Variants in NUP133 observed in about 807,000 individuals in gnomAD.
The protein encoded by NUP133 is nucleoporin 133, also known as nuclear pore complex protein Nup133.
NUP133 carries 66 observed loss-of-function variants against 146.2 expected under a neutral mutation model. The ratio of observed to expected loss-of-function variants is 0.45; its 90% CI spans 0.37 to 0.55. NUP133 has a LOEUF of 0.55. Among genes scored for constraint, NUP133 ranks in the 20% least tolerant of loss-of-function variants. NUP133 has a pLI of 0.00. For missense variants in NUP133, 1,277 were observed against 1,374.8 expected, an observed-to-expected ratio of 0.93 and a Z score of 1.12; for synonymous variants, 521 against 498.8, an observed-to-expected ratio of 1.04 and a Z score of -0.59.
rs540236548 is a variant in NUP133 at position 229,453,668 on chromosome 1, G to A, written c.2981-1025C>T. Reference sequence around the variant, plus strand: ...TTAACACTTCAGCAAGCGGACACTTGCCCACAATAGCAATAGGAGGTGGCT... The same window carrying A: ...TTAACACTTCAGCAAGCGGACACTTACCCACAATAGCAATAGGAGGTGGCT... On this transcript the variant is annotated intron_variant, in intron 21 of 25. Coordinates refer to ENST00000261396, the MANE Select transcript of NUP133 (RefSeq NM_018230.3). 7.2e-5 allele frequency among the ~76,000 whole-genome samples: 11 copies of A among 152,286 alleles called. No homozygotes were observed. In the East Asian group the frequency reaches 1.4e-3, roughly 19 times the overall value.
intron 6 of NUP133, among the ~76,000 whole-genome samples, chr1:229,496,883 T>C (rs1240982834): frequency 1.3e-5 from 2 of 152,102 alleles, no homozygotes; most frequent in Non-Finnish European, 2.9e-5. Context: ...GAGTGTTGAA[T>C]GTGAATTGGT....
At chr1:229,479,266 C>G (rs997982328) in intron 12 of NUP133, among the ~76,000 whole-genome samples, 33 of 152,324 alleles carry the variant, frequency 2.2e-4, no homozygotes, top group African/African-American at 7.7e-4. Context: ...AATTTCTGAT[C>G]CGCATTTGGT....
At chr1:229,476,435 G>C (rs1384159350) in intron 13 of NUP133, among the ~76,000 whole-genome samples, 1 of 152,156 alleles carries the variant, frequency 6.6e-6, no homozygotes, top group Non-Finnish European at 1.5e-5. Flanking sequence ...ACAGTTCCCT[G>C]GTATCTGGGG....
At position 229,449,166 on chromosome 1, in the gene NUP133, G is replaced by C. The variant is rs1571904887; in HGVS notation, c.3205C>G (p.Leu1069Val). The change falls in exon 24 of 26, where the codon CTA becomes GTA. Residue 1069 changes from leucine (L) to valine (V), a missense_variant. Transcript: ENST00000261396. ...GCTTTGCAAAGGATTTCCAGTTTTA[G>C]ATCATTTATATTTATATCTTCTTCC... ...DEEEDININD[L>V]KLEILCKALQ... The C allele has an allele frequency of 3.7e-6, 6 of 1,610,724 alleles. No individual in the cohort carries two copies. The highest frequency in any genetic ancestry group is 1.3e-5 in the African/African-American group (1 of 74,912).
chr1:229,441,445 A>T lies in NUP133; in HGVS notation c.*459T>A, dbSNP rs1258200514. 3.8e-6 allele frequency: 2 copies of T among 532,456 alleles called. No homozygotes were observed. Among genetic ancestry groups the T allele is most frequent in the Non-Finnish European group, 7.7e-6 (2 of 259,676 alleles). The allele number at this position is 532,456 out of a possible 1,614,324, so 33.0% of individuals were successfully genotyped here. A position where few individuals can be genotyped will look rare whatever the true frequency, so the allele number is the denominator to read the frequency against. On this transcript the variant is annotated 3_prime_UTR_variant, in exon 26 of 26. Transcript: ENST00000261396. The stretch of plus-strand genomic sequence containing the variant: ...GTCAGCAAAAGTTGACATTTATCTT[A>T]CTAGACATTTCCCATTAGCCCTAAC...
Position 229,475,692 on chromosome 1 carries a change from G to A in NUP133, c.1797C>T (p.His599=). 1.2e-6 allele frequency: 2 copies of A among 1,614,202 alleles called. No homozygotes were observed. Among genetic ancestry groups the A allele is most frequent in the Non-Finnish European group, 8.5e-7 (1 of 1,180,002 alleles). The stretch of plus-strand genomic sequence containing the variant: ...GAGCTTTCATCTTGTCTTCTAGCTG[G>A]TGAAGGATAATCAGTGACGTATTGC... ...GFSNTSLIIL[H]QLEDKMKAHS... The change falls in exon 14 of 26, where the codon CAC becomes CAT. Residue 599 remains histidine, a synonymous_variant. Transcript: ENST00000261396.
Position 229,440,374 on chromosome 1 carries a change from T to C in NUP133, c.*1530A>G, listed in dbSNP as rs1274717533. On this transcript the variant is annotated 3_prime_UTR_variant, in exon 26 of 26. Coordinates refer to ENST00000261396, the MANE Select transcript of NUP133 (RefSeq NM_018230.3). The stretch of plus-strand genomic sequence containing the variant: ...TTAAAAGAGGGAGCTTTTTCTTCCC[T>C]TGAACAGGATGACTCTACTTCACAC... The C allele has an allele frequency of 1.3e-5, 2 of 152,180 alleles. No homozygotes were observed. The highest frequency in any genetic ancestry group is 2.9e-5 in the Non-Finnish European group (2 of 68,036). 9.4% of individuals were successfully genotyped at this position (152,180 alleles called of 1,614,324 possible).
intron 19 of NUP133, 76 bp downstream of exon 19, chr1:229,463,465 TAC>T: frequency 6.9e-7 from 1 of 1,454,886 alleles, no homozygotes; most frequent in Non-Finnish European, 9.3e-7. Context: ...AAGCCCTGAT[TAC>T]AGATTTGAAA....
At chr1:229,486,617 T>C in intron 10 of NUP133, 89 bp from the exon 11 acceptor site, 1 of 1,251,124 alleles carries the variant, frequency 8.0e-7, no homozygotes, top group Non-Finnish European at 1.1e-6. Context: ...AAAATCATCT[T>C]GATGATATAT....
At chr1:229,442,536 T>C (rs1660206720) in intron 25 of NUP133, among the ~76,000 whole-genome samples, 1 of 152,212 alleles carries the variant, frequency 6.6e-6, no homozygotes, top group African/African-American at 2.4e-5. Flanking sequence ...TTGACATCTG[T>C]GTAGTTACAA....
intron 12 of NUP133, among the ~76,000 whole-genome samples, chr1:229,479,802 C>T (rs755359775): frequency 1.3e-5 from 2 of 152,044 alleles, no homozygotes; most frequent in East Asian, 1.9e-4. Context: ...AAAAGATCAC[C>T]GAGGGAGTAG....
At position 229,475,133 on chromosome 1, in the gene NUP133, A is replaced by C. The variant is rs143181044; in HGVS notation, c.1851+505T>G. Among the ~76,000 whole-genome samples the C allele has an allele frequency of 4.3e-3, 650 of 152,062 alleles. 2 individuals are homozygous for C. Among genetic ancestry groups the C allele is most frequent in the Non-Finnish European group, 6.4e-3 (438 of 67,978 alleles). On this transcript the variant is annotated intron_variant, in intron 14 of 25. Transcript: ENST00000261396. ...ATAAATAAATAAATAAAACAAACAA[A>C]CAAAACCCCAAGCAGGTTGAAATTC...
At chr1:229,458,352 C>A in intron 20 of NUP133, 56 bp from the exon 21 acceptor site, 7 of 1,564,630 alleles carry the variant, frequency 4.5e-6, no homozygotes, top group Non-Finnish European at 6.1e-6. Context: ...CAAGCTGAAA[C>A]AAAGGTAAGT....
rs1441996152 is a variant in NUP133, at chr1:229,466,850, C to T, written c.2077-94G>A. Reference sequence around the variant, plus strand: ...AGTTTTACTCATTAAGCCATATCCTCAGACCTATAGATGGAGGAAAATTTA... The same window carrying T: ...AGTTTTACTCATTAAGCCATATCCTTAGACCTATAGATGGAGGAAAATTTA... On this transcript the variant is annotated intron_variant, in intron 15 of 25. Transcript: ENST00000261396. 7.5e-6 allele frequency: 9 copies of T among 1,199,568 alleles called. No individual in the cohort carries two copies. The East Asian group carries it at 2.0e-4, about 26-fold the overall frequency. 74.3% of individuals were successfully genotyped at this position (1,199,568 alleles called of 1,614,324 possible).
intron 8 of NUP133, among the ~76,000 whole-genome samples, chr1:229,493,029 A>G (rs1264663336): frequency 1.3e-5 from 2 of 152,196 alleles, no homozygotes; most frequent in East Asian, 3.8e-4. Flanking sequence ...CTTGGCCTCA[A>G]GTGATCCTCC....
chr1:229,489,242 A>T (rs543459739), intron 9 of NUP133, among the ~76,000 whole-genome samples: 1 of 152,228 alleles, frequency 6.6e-6, no homozygotes, highest in African/African-American at 2.4e-5. Context: ...AACAGCCTCA[A>T]ACTCCTGGGC....
At chr1:229,460,252 A>G (rs965801870) in intron 20 of NUP133, among the ~76,000 whole-genome samples, 1 of 152,118 alleles carries the variant, frequency 6.6e-6, no homozygotes, top group Non-Finnish European at 1.5e-5. Flanking sequence ...CTGGAGTGCA[A>G]TGGTGCAATC....
At chr1:229,479,303 C>T (rs958341242) in intron 12 of NUP133, among the ~76,000 whole-genome samples, 8 of 152,274 alleles carry the variant, frequency 5.3e-5, no homozygotes, top group East Asian at 3.9e-4. Flanking sequence ...ATTTTTGATC[C>T]GCATTTGGTT....
At chr1:229,493,967 C>T (rs1276589831) in intron 8 of NUP133, among the ~76,000 whole-genome samples, 1 of 151,952 alleles carries the variant, frequency 6.6e-6, no homozygotes, top group Non-Finnish European at 1.5e-5. Context: ...CCTGTCTCTA[C>T]TAAAAATACA....
Sources: gnomAD v4.1 joint callset for allele counts (sites outside exome capture counted in the v4.1 genomes callset) on GRCh38, gnomAD v4.1.1 for gene constraint, MANE v1.5 for transcripts, NCBI Gene and HGNC (gene_info 2026-07-23, HGNC 2026-07-21) for gene names.